The following CLASP1 variants were observed in gnomAD, a reference collection of about 807,000 sequenced individuals.
The protein encoded by CLASP1 is CLIP-associating protein 1.
CLASP1 carries 38 observed loss-of-function variants against 192.3 expected under a neutral mutation model. The observed-to-expected ratio is 0.20, with a 90% CI of 0.15 to 0.26. The LOEUF is 0.26. Among genes scored for constraint, CLASP1 ranks in the 10% least tolerant of loss-of-function variants. The probability of loss-of-function intolerance (pLI) is 1.00; values close to 1 mark genes in which losing one functional copy is unlikely to be tolerated. For missense variants in CLASP1, 1,433 were observed against 1,932.5 expected (o/e 0.74, Z 4.85); for synonymous variants, 691 against 712.8 (o/e 0.97, Z 0.49).
chr2:121,577,222 TA>T (rs77532001), intron 2 of CLASP1, among the ~76,000 whole-genome samples: 477 of 141,396 alleles, frequency 3.4e-3, no homozygotes, highest in East Asian at 0.024. Flanking sequence ...TACGTATCTT[TA>T]AAAAAAAAAA....
At chr2:121,344,508 T>C (rs918421322) in intron 39 of CLASP1, among the ~76,000 whole-genome samples, 9 of 151,912 alleles carry the variant, frequency 5.9e-5, no homozygotes, top group Admixed American at 2.0e-4. Flanking sequence ...ATTTTGTATT[T>C]GTAGTAGAGA....
At position 121,436,568 on chromosome 2, in the gene CLASP1, G is replaced by A. The variant is rs546021623; in HGVS notation, c.1913-6391C>T. On this transcript the variant is annotated intron_variant, in intron 19 of 39. Transcript: ENST00000263710. The stretch of plus-strand genomic sequence containing the variant: ...TGGGACTACAGGTGCGAGCCACCAC[G>A]CCCAGCTAATTTTGGTATTATAAGC... Among the ~76,000 whole-genome samples the A allele has an allele frequency of 2.2e-3, 338 of 151,646 alleles. 1 individual carries two copies. Among genetic ancestry groups the A allele is most frequent in the African/African-American group, 6.6e-3 (273 of 41,340 alleles).
At chr2:121,385,272 CATCTGGCT>C (rs1473464842) in intron 32 of CLASP1, among the ~76,000 whole-genome samples, 2 of 152,084 alleles carry the variant, frequency 1.3e-5, no homozygotes, top group African/African-American at 4.8e-5. Flanking sequence ...TGGCTAAGGC[CATCTGGCT>C]ATTTACACAC....
chr2:121,371,404 A>ATT lies in CLASP1; in HGVS notation c.3643-3575_3643-3574dup, dbSNP rs879670440. Among the ~76,000 whole-genome samples, 41 of 144,240 alleles carry ATT rather than the reference A, an allele frequency of 2.8e-4. No homozygotes were observed. The South Asian group carries it at 2.9e-3, about 10-fold the overall frequency. The allele number at this position is 144,240 out of a possible 152,430, so 94.6% of individuals were successfully genotyped here. On this transcript the variant is annotated intron_variant, in intron 34 of 39. Coordinates refer to ENST00000263710, the Ensembl canonical transcript of CLASP1. ...ACACCACCACATCTAGATAAATTAAATTTTTTTTTTTTTTGTAGAGACAGG... is the reference window on the plus strand; with the variant it reads ...ACACCACCACATCTAGATAAATTAAATTTTTTTTTTTTTTTTGTAGAGACAGG...
chr2:121,500,607 T>C (rs536444591), intron 8 of CLASP1, among the ~76,000 whole-genome samples: 1 of 152,270 alleles, frequency 6.6e-6, no homozygotes, highest in South Asian at 2.1e-4. Flanking sequence ...AAATGTTCAA[T>C]GAAGGAAATC....
intron 19 of CLASP1, among the ~76,000 whole-genome samples, chr2:121,434,972 T>C (rs2082060461): frequency 6.6e-6 from 1 of 152,142 alleles, no homozygotes; most frequent in Non-Finnish European, 1.5e-5. Flanking sequence ...ACAGCTTTCT[T>C]CTACTGATCC....
intron 2 of CLASP1, among the ~76,000 whole-genome samples, chr2:121,532,887 T>A (rs191375933): frequency 0.01 from 1,574 of 152,354 alleles, 15 homozygotes; most frequent in Non-Finnish European, 0.018. Flanking sequence ...GTTTATTTTT[T>A]AAAAAGAACA....
intron 22 of CLASP1, 113 bp downstream of exon 22, chr2:121,425,026 T>A: frequency 9.1e-7 from 1 of 1,094,222 alleles, no homozygotes; most frequent in Non-Finnish European, 1.3e-6. Context: ...CAAAGTGACA[T>A]CCTCAGTTCA....
chr2:121,438,215 T>C (rs2082634185), intron 19 of CLASP1, among the ~76,000 whole-genome samples: 1 of 152,216 alleles, frequency 6.6e-6, no homozygotes, highest in Non-Finnish European at 1.5e-5. Flanking sequence ...CCTTGGGGGC[T>C]ATAAACACAA....
intron 6 of CLASP1, among the ~76,000 whole-genome samples, chr2:121,518,482 G>T (rs1232853777): frequency 6.6e-6 from 1 of 152,102 alleles, no homozygotes; most frequent in African/African-American, 2.4e-5. Context: ...TCGGTCTACA[G>T]CATTTTGTTA....
chr2:121,436,794 A>C (rs1270694370), intron 19 of CLASP1, among the ~76,000 whole-genome samples: 1 of 152,112 alleles, frequency 6.6e-6, no homozygotes, highest in African/African-American at 2.4e-5. Flanking sequence ...TCTTCTTCTT[A>C]AACTCCCATT....
chr2:121,425,333 A>G, intron 21 of CLASP1, 27 bp from the exon 22 acceptor site: 2 of 1,602,298 alleles, frequency 1.2e-6, no homozygotes. Context: ...ATGACAATGA[A>G]TAATAGATGT....
chr2:121,558,103 A>G (rs1001978989), intron 2 of CLASP1, among the ~76,000 whole-genome samples: 2 of 152,108 alleles, frequency 1.3e-5, no homozygotes, highest in African/African-American at 4.8e-5. Context: ...AAAAAAAAGA[A>G]CACCTATTAT....
intron 14 of CLASP1, among the ~76,000 whole-genome samples, chr2:121,456,559 A>G (rs902812480): frequency 6.6e-6 from 1 of 151,878 alleles, no homozygotes; most frequent in African/African-American, 2.4e-5. Flanking sequence ...GAAAAAGAAA[A>G]GGGGAAGGGA....
At position 121,530,868 on chromosome 2, in the gene CLASP1, A is replaced by AC. The variant is rs1553615399; in HGVS notation, c.196-544dup. 5.9e-6 allele frequency: 4 copies of AC among 678,588 alleles called. No individual in the cohort carries two copies. In the East Asian group the frequency reaches 8.2e-5, roughly 14 times the overall value. The allele number at this position is 678,588 out of a possible 1,614,324, so 42.0% of individuals were successfully genotyped here. A position where few individuals can be genotyped will look rare whatever the true frequency, so the allele number is the denominator to read the frequency against. On this transcript the variant is annotated intron_variant, in intron 2 of 39. Coordinates refer to ENST00000263710, the Ensembl canonical transcript of CLASP1. The stretch of plus-strand genomic sequence containing the variant: ...GGCGCTTCCTGCTTGCAGCCCAGGG[A>AC]CTTTCTATTATAACCATCCTTTTCT...
chr2:121,528,859 T>G, intron 3 of CLASP1, 79 bp from the exon 4 acceptor site: 3 of 1,099,360 alleles, frequency 2.7e-6, no homozygotes, highest in Non-Finnish European at 4.2e-6. Context: ...ATCTCAATTA[T>G]GTGGGAAGAC....
At position 121,628,838 on chromosome 2, in the gene CLASP1, C is replaced by T. The variant is rs531360704; in HGVS notation, c.-286+20534G>A. On this transcript the variant is annotated intron_variant, in intron 1 of 39. Coordinates refer to ENST00000263710, the Ensembl canonical transcript of CLASP1. The stretch of plus-strand genomic sequence containing the variant: ...TCTAAGGAAAAATTTATCAAGTATG[C>T]TAAAATGGGGTGGGCACCATGGCTC... 4.0e-5 allele frequency among the ~76,000 whole-genome samples: 6 copies of T among 148,192 alleles called. No homozygotes were observed. In the South Asian group the frequency reaches 1.3e-3, roughly 31 times the overall value.
chr2:121,419,774 G>A (rs1574580423), intron 22 of CLASP1, among the ~76,000 whole-genome samples: 2 of 152,128 alleles, frequency 1.3e-5, no homozygotes, highest in Admixed American at 6.5e-5. Flanking sequence ...AATACATGTA[G>A]GTGGAATGCC....
chr2:121,508,509 A>T (rs1223732869), intron 7 of CLASP1, among the ~76,000 whole-genome samples: 1 of 152,262 alleles, frequency 6.6e-6, no homozygotes, highest in Non-Finnish European at 1.5e-5. Context: ...CTACCTTGCC[A>T]GTACTACATT....
Sources: gnomAD v4.1 joint callset for allele counts (sites outside exome capture counted in the v4.1 genomes callset) on GRCh38, gnomAD v4.1.1 for gene constraint, MANE v1.5 for transcripts, NCBI Gene and HGNC (gene_info 2026-07-23, HGNC 2026-07-21) for gene names.